The following LDB3 variants were observed in gnomAD, a reference collection of about 807,000 sequenced individuals.
LDB3 encodes LIM domain-binding protein 3.
A neutral mutation model predicts 69.0 loss-of-function variants in LDB3; 49 were observed. The ratio of observed to expected loss-of-function variants is 0.71; its 90% CI spans 0.56 to 0.90. The LOEUF (loss-of-function observed/expected upper bound fraction) is 0.90, where lower values mean the gene tolerates loss of function less well. LDB3 is among the 40% of genes least tolerant of loss of function. The pLI, the probability that LDB3 is intolerant of heterozygous loss-of-function variation, is 0.00. For synonymous variants in LDB3, 387 were observed against 396.2 expected (o/e 0.98, Z 0.28); for missense variants, 928 against 974.1 (o/e 0.95, Z 0.63).
At chr10:86,711,657 C>A (rs1001060267) in intron 9 of LDB3, among the ~76,000 whole-genome samples, 2 of 151,662 alleles carry the variant, frequency 1.3e-5, no homozygotes, top group Admixed American at 6.6e-5. Flanking sequence ...AGCCGCAGCT[C>A]CCCCCGGGGC....
At chr10:86,703,595 T>G (rs915043104) in intron 7 of LDB3, among the ~76,000 whole-genome samples, 2 of 152,228 alleles carry the variant, frequency 1.3e-5, no homozygotes, top group Non-Finnish European at 2.9e-5. Context: ...AACCTCAACC[T>G]TGCCACTTCT....
intron 11 of LDB3, 91 bp downstream of exon 11, chr10:86,718,235 G>A (rs945073473): frequency 3.2e-6 from 4 of 1,254,142 alleles, no homozygotes; most frequent in Non-Finnish European, 4.7e-6. Context: ...CCAAGAAGTT[G>A]CTGGTAACAG....
intron 5 of LDB3, among the ~76,000 whole-genome samples, chr10:86,684,353 A>G (rs1845338580): frequency 6.6e-6 from 1 of 152,238 alleles, no homozygotes; most frequent in Admixed American, 6.5e-5. Flanking sequence ...AGGAGGCAGG[A>G]ATAAATGTCA....
At chr10:86,687,526 C>T (rs958364873) in intron 5 of LDB3, among the ~76,000 whole-genome samples, 1 of 152,226 alleles carries the variant, frequency 6.6e-6, no homozygotes, top group Non-Finnish European at 1.5e-5. Flanking sequence ...TTTTCACAGC[C>T]TCTGCATTTT....
intron 9 of LDB3, among the ~76,000 whole-genome samples, chr10:86,713,451 G>A (rs553707022): frequency 1.3e-3 from 196 of 152,234 alleles, no homozygotes; most frequent in African/African-American, 4.4e-3. Flanking sequence ...CACCATGTTG[G>A]CCAGGCTGAT....
intron 7 of LDB3, among the ~76,000 whole-genome samples, 172 bp downstream of exon 7, chr10:86,692,743 G>C (rs1845826719): frequency 6.6e-6 from 1 of 152,230 alleles, no homozygotes; most frequent in African/African-American, 2.4e-5. Context: ...GTGAGTCAGT[G>C]AGGTGGGCAC....
At chr10:86,703,800 C>T (rs1015762695) in intron 7 of LDB3, among the ~76,000 whole-genome samples, 2 of 152,200 alleles carry the variant, frequency 1.3e-5, no homozygotes, top group African/African-American at 4.8e-5. Flanking sequence ...GCATCAGCAT[C>T]ACCTGGAAGC....
intron 2 of LDB3, among the ~76,000 whole-genome samples, chr10:86,673,124 A>G (rs1258519388): frequency 6.6e-6 from 1 of 152,220 alleles, no homozygotes; most frequent in Non-Finnish European, 1.5e-5. Context: ...CCTTGGACAC[A>G]AGAATGGGCC....
chr10:86,692,421 C>A, intron 6 of LDB3, 114 bp from the exon 7 acceptor site: 1 of 1,043,186 alleles, frequency 9.6e-7, no homozygotes, highest in Non-Finnish European at 1.5e-6. Context: ...GGCAAGGGGG[C>A]AGTCACCGTG....
At chr10:86,700,226 C>A (rs1422654098) in intron 7 of LDB3, among the ~76,000 whole-genome samples, 1 of 152,144 alleles carries the variant, frequency 6.6e-6, no homozygotes, top group Non-Finnish European at 1.5e-5. Flanking sequence ...AGGTTCCGAG[C>A]CCAGCTGCAA....
chr10:86,706,820 G>A, intron 8 of LDB3, 101 bp downstream of exon 8: 1 of 1,299,864 alleles, frequency 7.7e-7, no homozygotes, highest in South Asian at 1.4e-5. Flanking sequence ...GGTAGTTAGG[G>A]CCCGCAGGCC....
chr10:86,678,995 A>G (rs1201237505), intron 2 of LDB3, among the ~76,000 whole-genome samples: 1 of 152,204 alleles, frequency 6.6e-6, no homozygotes, highest in Non-Finnish European at 1.5e-5. Flanking sequence ...TGCAACGTCC[A>G]ATACAGTGCT....
Position 86,710,067 on chromosome 10 carries a change from G to A in LDB3, c.1231+17G>A. ...ACCAGCCAGGTAAGAGGCAGAGCAG[G>A]AGGGGAGGCTGTCGAAAGCCATGGG... On this transcript the variant is annotated intron_variant, in intron 9 of 13. Transcript: ENST00000361373. The A allele has an allele frequency of 6.2e-7, 1 of 1,611,696 alleles. No individual in the cohort carries two copies. Among genetic ancestry groups the A allele is most frequent in the Non-Finnish European group, 8.5e-7 (1 of 1,179,846 alleles).
intron 7 of LDB3, among the ~76,000 whole-genome samples, chr10:86,701,458 G>T (rs939937898): frequency 6.6e-6 from 1 of 152,184 alleles, no homozygotes. Flanking sequence ...TGCCCTGGGG[G>T]GCCCCAGGCT....
chr10:86,678,950 C>G (rs1844952103), intron 2 of LDB3, among the ~76,000 whole-genome samples: 1 of 152,202 alleles, frequency 6.6e-6, no homozygotes, highest in African/African-American at 2.4e-5. Flanking sequence ...GCCTCCAAAC[C>G]TTAATGGCTC....
chr10:86,668,508 G>A (rs1464660950), upstream of LDB3: 5 of 683,016 alleles, frequency 7.3e-6, no homozygotes, highest in Non-Finnish European at 1.1e-5. Flanking sequence ...TTCGCTCCCA[G>A]CTATTCTTAG....
chr10:86,681,647 G>A lies in LDB3; in HGVS notation c.533G>A (p.Arg178Gln), dbSNP rs143311349. ...LRAKTSPEGA[R>Q]DLLGPKALPG... Reference sequence around the variant, plus strand: ...GCCAAGACCAGCCCAGAGGGGGCCCGGGACCTACTCGGCCCAAAAGCCCTG... The same window carrying A: ...GCCAAGACCAGCCCAGAGGGGGCCCAGGACCTACTCGGCCCAAAAGCCCTG... The change falls in exon 5 of 14, where the codon CGG becomes CAG. Residue 178 changes from arginine to glutamine, a missense_variant. By Grantham distance (43) the Arg-to-Gln change is conservative (BLOSUM62 1). Transcript: ENST00000361373. 9.9e-6 allele frequency: 16 copies of A among 1,613,110 alleles called. No homozygotes were observed. The African/African-American group carries it at 1.3e-4, about 13-fold the overall frequency.
intron 12 of LDB3, among the ~76,000 whole-genome samples, chr10:86,720,296 T>C (rs1286551195): frequency 6.6e-6 from 1 of 152,006 alleles, no homozygotes; most frequent in Non-Finnish European, 1.5e-5. Context: ...ATACGAAAAT[T>C]AGCCGAGCAT....
At chr10:86,724,522 T>C (rs1847190147) in intron 12 of LDB3, among the ~76,000 whole-genome samples, 1 of 150,006 alleles carries the variant, frequency 6.7e-6, no homozygotes, top group Non-Finnish European at 1.5e-5. Context: ...GAGAATTGCT[T>C]GAACCCAGGA....
Sources: gnomAD v4.1 joint callset for allele counts (sites outside exome capture counted in the v4.1 genomes callset) on GRCh38, gnomAD v4.1.1 for gene constraint, MANE v1.5 for transcripts, NCBI Gene and HGNC (gene_info 2026-07-23, HGNC 2026-07-21) for gene names.